SEMA3F: variants seen among roughly 807,000 people sequenced by gnomAD.
The protein encoded by SEMA3F is semaphorin-3F.
A neutral mutation model predicts 98.5 loss-of-function variants in SEMA3F; 30 were observed. That is an observed-to-expected ratio of 0.30 (90% CI 0.23 to 0.41). The LOEUF (loss-of-function observed/expected upper bound fraction) is 0.41. Ranked by LOEUF, SEMA3F falls within the 10% of genes least tolerant of loss-of-function variation. The pLI, the probability that SEMA3F is intolerant of heterozygous loss-of-function variation, is 1.00. For synonymous variants in SEMA3F, 380 were observed against 444.8 expected (o/e 0.85, Z 1.83); for missense variants, 866 against 1,119.3 (o/e 0.77, Z 3.23).
At chr3:50,167,978 G>C (rs899409115) in intron 2 of SEMA3F, among the ~76,000 whole-genome samples, 4 of 152,192 alleles carry the variant, frequency 2.6e-5, no homozygotes, top group African/African-American at 9.7e-5. Flanking sequence ...AATCAGAGCG[G>C]TTATTGAATA....
chr3:50,186,113 G>A, intron 16 of SEMA3F, 67 bp downstream of exon 16: 1 of 1,526,252 alleles, frequency 6.6e-7, no homozygotes, highest in Non-Finnish European at 8.9e-7. Flanking sequence ...GGGATTGGGG[G>A]TGCATGTGAT....
intron 6 of SEMA3F, among the ~76,000 whole-genome samples, chr3:50,175,663 G>A (rs1463204373): frequency 7.6e-5 from 11 of 145,440 alleles, no homozygotes; most frequent in Non-Finnish European, 1.2e-4. Context: ...CTCCCGTGTG[G>A]TATCTGTCCA....
rs1699339679 is a variant in SEMA3F at position 50,188,920 on chromosome 3, C to T, written c.*805C>T. 1 of 152,230 alleles carries T rather than the reference C, an allele frequency of 6.6e-6. No homozygotes were observed. The highest frequency in any genetic ancestry group is 2.4e-5 in the African/African-American group (1 of 41,430). The allele number at this position is 152,230 out of a possible 1,614,324, so 9.4% of individuals were successfully genotyped here. ...GGGCCGGTAGAGGCTCCCCAGGGCTCCCTTATGTCCACCACTTCAGGGGAT... is the reference window on the plus strand; with the variant it reads ...GGGCCGGTAGAGGCTCCCCAGGGCTTCCTTATGTCCACCACTTCAGGGGAT... On this transcript the variant is annotated 3_prime_UTR_variant, in exon 19 of 19. Transcript: ENST00000002829. The surrounding 1 kb of genome is among the most constrained non-coding windows in gnomAD (Gnocchi z 4.5).
In SEMA3F at chr3:50,173,650, A is replaced by G. The variant is rs879217110; in HGVS notation, c.113-143A>G. 1.0e-5 allele frequency: 7 copies of G among 680,916 alleles called. No homozygotes were observed. In the South Asian group the frequency reaches 1.4e-4, roughly 13 times the overall value. The allele number at this position is 680,916 out of a possible 1,614,324, so 42.2% of individuals were successfully genotyped here. ...GAGTGAGACTTGATCTCGTAAAAAGAAAAAAAGAAAGAAAGAAAAAAGACC... is the reference window on the plus strand; with the variant it reads ...GAGTGAGACTTGATCTCGTAAAAAGGAAAAAAGAAAGAAAGAAAAAAGACC... On this transcript the variant is annotated intron_variant, in intron 2 of 18. Coordinates refer to ENST00000002829, the MANE Select transcript of SEMA3F (RefSeq NM_004186.5).
chr3:50,176,861 A>G lies in SEMA3F; in HGVS notation c.643A>G (p.Asn215Asp), dbSNP rs374695737. 5.6e-5 allele frequency: 91 copies of G among 1,611,320 alleles called. No individual in the cohort carries two copies. Among genetic ancestry groups the G allele is most frequent in the Non-Finnish European group, 7.6e-5 (89 of 1,177,960 alleles). ...GCTGGACACAGCATCGGCCCTCATC[A>G]GTGAGTGCCCCCCAACCCCGCTCTA... ...PKLDTASALI[N>D]EELYAGVYID... Residue 215 changes from asparagine to aspartate, a missense_variant and splice_region_variant, in exon 7 of 19, where the codon AAT becomes GAT. This residue lies in a region of SEMA3F where 374 missense variants were observed against 582.8 expected (regional missense o/e 0.64). Transcript: ENST00000002829.
chr3:50,171,743 C>T (rs181262335), intron 2 of SEMA3F, among the ~76,000 whole-genome samples: 8 of 152,304 alleles, frequency 5.3e-5, no homozygotes, highest in East Asian at 3.9e-4. Context: ...CGGGGGACTC[C>T]GAGTGGCCCA....
In SEMA3F at chr3:50,156,887, C is replaced by T; in HGVS notation, c.-49+1323C>T. 6.6e-6 allele frequency among the ~76,000 whole-genome samples: 1 copy of T among 152,070 alleles called. No individual in the cohort carries two copies. The highest frequency in any genetic ancestry group is 1.5e-5 in the Non-Finnish European group (1 of 68,002). Reference sequence around the variant, plus strand: ...CTCAGGTGACCTTGACTGGGAAACCCTGGCCACAAAAGGGGGGTTTCAGTC... The same window carrying T: ...CTCAGGTGACCTTGACTGGGAAACCTTGGCCACAAAAGGGGGGTTTCAGTC... On this transcript the variant is annotated intron_variant, in intron 1 of 18. Transcript: ENST00000002829. The surrounding 1 kb of genome is among the most constrained non-coding windows in gnomAD (Gnocchi z 4.5).
At chr3:50,159,451 G>A (rs938158350) in intron 1 of SEMA3F, 124 bp from the exon 2 acceptor site, 59 of 576,246 alleles carry the variant, frequency 1.0e-4, no homozygotes, top group Non-Finnish European at 1.5e-4. Context: ...GCACACAGGG[G>A]CATTCATGGC....
Position 50,186,688 on chromosome 3 carries a change from C to T in SEMA3F, c.1889C>T (p.Ser630Leu), listed in dbSNP as rs200910175. The change falls in exon 18 of 19, where the codon TCG becomes TTG. Residue 630 changes from serine to leucine, a missense_variant. Transcript: ENST00000002829. Reference sequence around the variant, plus strand: ...GCCTTCCTTGAGTGCCAGCCCCGCTCGCCCCAAGCCACTGTTAAGTGGCTG... The same window carrying T: ...GCCTTCCTTGAGTGCCAGCCCCGCTTGCCCCAAGCCACTGTTAAGTGGCTG... The part of the protein sequence containing the change: ...SAAFLECQPR[S>L]PQATVKWLFQ... 13 of 1,609,494 alleles carry T rather than the reference C, an allele frequency of 8.1e-6. No individual in the cohort carries two copies. Among genetic ancestry groups the T allele is most frequent in the East Asian group, 2.2e-5 (1 of 44,750 alleles).
In SEMA3F at chr3:50,188,364, C is replaced by A; in HGVS notation, c.*249C>A. 6.2e-6 allele frequency: 1 copy of A among 161,368 alleles called. No individual in the cohort carries two copies. Among genetic ancestry groups the A allele is most frequent in the Non-Finnish European group, 1.3e-5 (1 of 74,768 alleles). 10.0% of individuals were successfully genotyped at this position (161,368 alleles called of 1,614,324 possible). A position where few individuals can be genotyped will look rare whatever the true frequency, so the allele number is the denominator to read the frequency against. The stretch of plus-strand genomic sequence containing the variant: ...AACCAGGCCCAGCCAGTTGGTGGGG[C>A]CAGGCCAGGACCACACAGTCCCCAG... On this transcript the variant is annotated 3_prime_UTR_variant, in exon 19 of 19. Transcript: ENST00000002829. The surrounding 1 kb of genome is among the most constrained non-coding windows in gnomAD (Gnocchi z 4.5).
chr3:50,176,245 G>C (rs941914566), intron 6 of SEMA3F, among the ~76,000 whole-genome samples: 1 of 152,160 alleles, frequency 6.6e-6, no homozygotes, highest in African/African-American at 2.4e-5. Flanking sequence ...ACCACAGGTA[G>C]GACACAAAGC....
rs947275577 is a variant in SEMA3F, at chr3:50,155,481, G to T, written c.-132G>T. ...GCGGGCAGGGCCATGGCCCCGGGGG[G>T]CCGCTAGCGCGGACCGGCCCAACGG... On this transcript the variant is annotated 5_prime_UTR_variant, in exon 1 of 19. Coordinates refer to ENST00000002829, the MANE Select transcript of SEMA3F (RefSeq NM_004186.5). This position sits in a 1 kb window ranked among gnomAD's most constrained non-coding sequence, Gnocchi z 4.9. 3.2e-6 allele frequency: 1 copy of T among 314,650 alleles called. No homozygotes were observed. The highest frequency in any genetic ancestry group is 5.0e-5 in the Admixed American group (1 of 19,828). The allele number at this position is 314,650 out of a possible 1,614,324, so 19.5% of individuals were successfully genotyped here.
chr3:50,175,183 C>T lies in SEMA3F; in HGVS notation c.544C>T (p.Arg182Cys), dbSNP rs764661400. The change falls in exon 6 of 19, where the codon CGC becomes TGC. Residue 182 changes from arginine (R) to cysteine (C), a missense_variant. Coordinates refer to ENST00000002829, the MANE Select transcript of SEMA3F (RefSeq NM_004186.5). ...GALRPMPTAP[R>C]QDYIFYLEPE... is the part of the protein sequence containing the mutation. Reference sequence around the variant, plus strand: ...CCTCCGCCCGATGCCCACAGCCCCACGCCAGGTGGGCCTCATCCCTCCAGG... The same window carrying T: ...CCTCCGCCCGATGCCCACAGCCCCATGCCAGGTGGGCCTCATCCCTCCAGG... 24 of 1,590,680 alleles carry T rather than the reference C, an allele frequency of 1.5e-5. No individual in the cohort carries two copies. Among genetic ancestry groups the T allele is most frequent in the African/African-American group, 4.0e-5 (3 of 74,446 alleles).
At position 50,158,819 on chromosome 3, in the gene SEMA3F, A is replaced by G. The variant is rs756646; in HGVS notation, c.-48-756A>G. 1.2e-4 allele frequency among the ~76,000 whole-genome samples: 19 copies of G among 152,188 alleles called. No homozygotes were observed. In the East Asian group the frequency reaches 1.5e-3, roughly 12 times the overall value. On this transcript the variant is annotated intron_variant, in intron 1 of 18. Coordinates refer to ENST00000002829, the MANE Select transcript of SEMA3F (RefSeq NM_004186.5). The surrounding 1 kb of genome is among the most constrained non-coding windows in gnomAD (Gnocchi z 4.8). ...ATTGAAACTTGGACCTGCTGGGGCT[A>G]TGGGGGATTCTGAAGGTGGCAATGC...
In SEMA3F at chr3:50,158,940, C is replaced by T. The variant is rs1225196062; in HGVS notation, c.-48-635C>T. 1 of 152,262 alleles carries T rather than the reference C, an allele frequency of 6.6e-6. No homozygotes were observed. Among genetic ancestry groups the T allele is most frequent in the Admixed American group, 6.5e-5 (1 of 15,276 alleles). 9.4% of individuals were successfully genotyped at this position (152,262 alleles called of 1,614,324 possible). A position where few individuals can be genotyped will look rare whatever the true frequency, so the allele number is the denominator to read the frequency against. ...CTGGAAGTTTTCCCTGGCAGGAAGTCCTTCTGCCTGTCTGACCTGGGTCTC... is the reference window on the plus strand; with the variant it reads ...CTGGAAGTTTTCCCTGGCAGGAAGTTCTTCTGCCTGTCTGACCTGGGTCTC... On this transcript the variant is annotated intron_variant, in intron 1 of 18. Transcript: ENST00000002829. The surrounding 1 kb of genome is among the most constrained non-coding windows in gnomAD (Gnocchi z 4.8).
At chr3:50,178,546 A>G (rs1575399656) in intron 7 of SEMA3F, among the ~76,000 whole-genome samples, 1 of 151,316 alleles carries the variant, frequency 6.6e-6, no homozygotes, top group East Asian at 2.0e-4. Context: ...CATGGGTGAA[A>G]CTCTGTCTCT....
At chr3:50,162,127 C>T (rs1698230773) in intron 2 of SEMA3F, among the ~76,000 whole-genome samples, 1 of 152,210 alleles carries the variant, frequency 6.6e-6, no homozygotes, top group African/African-American at 2.4e-5. Flanking sequence ...CCCTGCCCTG[C>T]CCTGGGTCCT....
intron 2 of SEMA3F, among the ~76,000 whole-genome samples, chr3:50,162,905 T>A (rs1181661503): frequency 6.6e-6 from 1 of 152,078 alleles, no homozygotes; most frequent in Non-Finnish European, 1.5e-5. Flanking sequence ...AAGATGAACA[T>A]AATCGAAATA....
chr3:50,176,646 G>A, intron 6 of SEMA3F, 122 bp from the exon 7 acceptor site: 1 of 720,608 alleles, frequency 1.4e-6, no homozygotes, highest in Non-Finnish European at 2.5e-6. Flanking sequence ...ATGCTGGGGA[G>A]TGTAGGGGGT....
Sources: allele counts gnomAD v4.1 joint callset (sites outside exome capture counted in the v4.1 genomes callset), GRCh38; gene constraint gnomAD v4.1.1; regional missense constraint gnomAD v4.1.1; non-coding constraint Gnocchi (gnomAD v3.1); transcripts MANE v1.5; gene names NCBI Gene and HGNC (gene_info 2026-07-23, HGNC 2026-07-21).